Variants in XPO1 observed in about 807,000 individuals in gnomAD.
The protein encoded by XPO1 is exportin 1, also known as exportin-1.
Under a neutral mutation model 133.3 loss-of-function variants are expected in XPO1, and 5 were observed. The ratio of observed to expected loss-of-function variants is 0.04; its 90% CI spans 0.02 to 0.08. XPO1 has a LOEUF of 0.08. XPO1 is among the 10% of genes least tolerant of loss of function. XPO1 has a pLI of 1.00. For synonymous variants in XPO1, 419 were observed against 408.2 expected, an observed-to-expected ratio of 1.03 and a Z score of -0.32; for missense variants, 506 against 1,267.5, an observed-to-expected ratio of 0.40 and a Z score of 9.12.
At chr2:61,488,310 A>C (rs767055338) in intron 18 of XPO1, 39 bp from the exon 19 acceptor site, 1 of 1,557,196 alleles carries the variant, frequency 6.4e-7, no homozygotes, top group Admixed American at 1.7e-5. Context: ...TTTTACCACT[A>C]AACTTATACA....
intron 10 of XPO1, 134 bp from the exon 11 acceptor site, chr2:61,495,747 C>A: frequency 1.2e-6 from 1 of 832,796 alleles, no homozygotes; most frequent in East Asian, 3.2e-5. Context: ...CCAAAGCTCA[C>A]TGCAGCCTCC....
chr2:61,503,325 G>A (rs527479710), intron 4 of XPO1, among the ~76,000 whole-genome samples: 192 of 151,790 alleles, frequency 1.3e-3, no homozygotes, highest in Non-Finnish European at 2.3e-3. Context: ...TGCAATCTTG[G>A]TTCACTGCAA....
chr2:61,527,365 A>G (rs992434042), intron 2 of XPO1, among the ~76,000 whole-genome samples: 16 of 150,828 alleles, frequency 1.1e-4, no homozygotes, highest in African/African-American at 3.4e-4. Context: ...GCTTGCACCT[A>G]TAGTCCTAAC....
intron 17 of XPO1, among the ~76,000 whole-genome samples, chr2:61,490,173 G>A (rs1696905131): frequency 6.6e-6 from 1 of 150,762 alleles, no homozygotes; most frequent in African/African-American, 2.4e-5. Context: ...ACAGGCGTGA[G>A]CCACCGAGCC....
At chr2:61,490,875 C>A (rs1696945998) in intron 16 of XPO1, 99 bp from the exon 17 acceptor site, 1 of 1,454,056 alleles carries the variant, frequency 6.9e-7, no homozygotes, top group East Asian at 2.3e-5. Flanking sequence ...TGATTTTGGC[C>A]CAGGTGCAGT....
intron 4 of XPO1, among the ~76,000 whole-genome samples, chr2:61,514,318 C>T (rs1225695859): frequency 2.0e-5 from 3 of 151,796 alleles, no homozygotes; most frequent in South Asian, 2.1e-4. Flanking sequence ...TAAGGCTGGG[C>T]GTGGTGGCTC....
chr2:61,522,521 A>T (rs1226307515), intron 4 of XPO1, 90 bp downstream of exon 4: 1 of 1,139,466 alleles, frequency 8.8e-7, no homozygotes, highest in Non-Finnish European at 1.3e-6. Flanking sequence ...AATATACTAA[A>T]GATTCATTAC....
At chr2:61,530,760 TC>T (rs1288782805) in intron 2 of XPO1, among the ~76,000 whole-genome samples, 5 of 151,922 alleles carry the variant, frequency 3.3e-5, no homozygotes, top group Non-Finnish European at 7.4e-5. Context: ...CAGCTTTTTT[TC>T]CCAGTTGACT....
At position 61,483,902 on chromosome 2, in the gene XPO1, G is replaced by C. The variant is rs1287466175; in HGVS notation, c.2677+35C>G. ...TAACTATATTTGTATTTTTGGATTG[G>C]CAGGCAAATGAATAAAAGAACATCT... On this transcript the variant is annotated intron_variant, in intron 21 of 24. Coordinates refer to ENST00000401558, the MANE Select transcript of XPO1 (RefSeq NM_003400.4). 7 of 1,598,250 alleles carry C rather than the reference G, an allele frequency of 4.4e-6. No individual in the cohort carries two copies. The South Asian group carries it at 5.7e-5, about 13-fold the overall frequency.
chr2:61,491,362 G>C (rs993158429), intron 16 of XPO1, among the ~76,000 whole-genome samples: 2 of 150,724 alleles, frequency 1.3e-5, no homozygotes, highest in African/African-American at 4.9e-5. Context: ...CTGAGGAAGA[G>C]AATCGTTTGA....
intron 23 of XPO1, among the ~76,000 whole-genome samples, chr2:61,482,033 C>CTTTTTTTTTGTTTT (rs1491506588): frequency 1.2e-5 from 1 of 86,820 alleles, no homozygotes; most frequent in Non-Finnish European, 2.5e-5. Context: ...CCGTGCGTGG[C>CTTTTTTTTTGTTTT]CTTTTTTTTT....
At position 61,477,890 on chromosome 2, in the gene XPO1, C is replaced by G. The variant is rs1696140472; in HGVS notation, c.*930G>C. On this transcript the variant is annotated 3_prime_UTR_variant, in exon 25 of 25. Transcript: ENST00000401558. ...TTACTTGATGCTTAAACACAAATAC[C>G]CACTATCATTAATATAGGAATAAAT... 4.8e-6 allele frequency: 1 copy of G among 206,696 alleles called. No homozygotes were observed. The highest frequency in any genetic ancestry group is 1.9e-4 in the South Asian group (1 of 5,282). The allele number at this position is 206,696 out of a possible 1,614,324, so 12.8% of individuals were successfully genotyped here.
At chr2:61,483,864 T>C in intron 21 of XPO1, 73 bp downstream of exon 21, 1 of 1,512,210 alleles carries the variant, frequency 6.6e-7, no homozygotes, top group Non-Finnish European at 9.1e-7. Context: ...AGTAATACCT[T>C]CCTATGTACA....
intron 2 of XPO1, among the ~76,000 whole-genome samples, chr2:61,526,914 G>A (rs1387364244): frequency 6.6e-6 from 1 of 151,968 alleles, no homozygotes; most frequent in African/African-American, 2.4e-5. Flanking sequence ...CACCATGTTG[G>A]CCAGGCTGGT....
chr2:61,493,806 T>C (rs1271797696), intron 12 of XPO1, 88 bp downstream of exon 12: 2 of 1,394,866 alleles, frequency 1.4e-6, no homozygotes, highest in Non-Finnish European at 2.0e-6. Context: ...TTATAGCTAA[T>C]TTATTTACAC....
In XPO1 at chr2:61,538,331, A is replaced by G. The variant is rs1009280146; in HGVS notation, c.-776T>C. The G allele has an allele frequency of 1.3e-5, 2 of 157,694 alleles. No individual in the cohort carries two copies. The highest frequency in any genetic ancestry group is 2.1e-4 in the South Asian group (1 of 4,868). 9.8% of individuals were successfully genotyped at this position (157,694 alleles called of 1,614,324 possible). Reference sequence around the variant, plus strand: ...TCCATCTCGGTTGAGTTTTCAGCCCATGGCGCCGCGGAGCGTTTGGAACCT... The same window carrying G: ...TCCATCTCGGTTGAGTTTTCAGCCCGTGGCGCCGCGGAGCGTTTGGAACCT... On this transcript the variant is annotated 5_prime_UTR_variant, in exon 1 of 25. An upstream start codon of the reference 5' UTR is lost. Transcript: ENST00000401558.
intron 4 of XPO1, among the ~76,000 whole-genome samples, chr2:61,512,575 A>G (rs1698147797): frequency 6.6e-6 from 1 of 152,244 alleles, no homozygotes; most frequent in South Asian, 2.1e-4. Context: ...TCTCTATATT[A>G]GCAAGAAATA....
intron 1 of XPO1, among the ~76,000 whole-genome samples, chr2:61,535,082 C>A (rs1436739160): frequency 6.6e-6 from 1 of 152,234 alleles, no homozygotes; most frequent in Non-Finnish European, 1.5e-5. Flanking sequence ...TTAAAACCTA[C>A]TAGTTCATAT....
intron 4 of XPO1, among the ~76,000 whole-genome samples, chr2:61,506,254 C>CT (rs897807667): frequency 4.6e-5 from 7 of 152,102 alleles, no homozygotes; most frequent in Admixed American, 4.6e-4. Context: ...AACCCTGTCT[C>CT]TAATAAAAAT....
Sources: gnomAD v4.1 joint callset for allele counts (sites outside exome capture counted in the v4.1 genomes callset) on GRCh38, gnomAD v4.1.1 for gene constraint, MANE v1.5 for transcripts, NCBI Gene and HGNC (gene_info 2026-07-23, HGNC 2026-07-21) for gene names.